The following SPAG16 variants were observed in gnomAD, a reference collection of about 807,000 sequenced individuals.
SPAG16 encodes sperm associated antigen 16, also known as sperm-associated antigen 16 protein.
A neutral mutation model predicts 80.4 loss-of-function variants in SPAG16; 86 were observed. The observed-to-expected ratio is 1.07, with a 90% CI of 0.90 to 1.28. The LOEUF is 1.28. Among genes scored for constraint, SPAG16 ranks in the 50% most tolerant of loss-of-function variants. The pLI is 0.00. For synonymous variants in SPAG16, 294 were observed against 265.9 expected, an observed-to-expected ratio of 1.11 and a Z score of -1.03; for missense variants, 870 against 765.3, an observed-to-expected ratio of 1.14 and a Z score of -1.61.
At chr2:213,629,486 C>T (rs1361077350) in intron 10 of SPAG16, among the ~76,000 whole-genome samples, 1 of 152,210 alleles carries the variant, frequency 6.6e-6, no homozygotes, top group Non-Finnish European at 1.5e-5. Context: ...GAATCCAACA[C>T]AAGGAGAGAA....
chr2:214,088,185 G>T (rs1196225454), intron 13 of SPAG16, among the ~76,000 whole-genome samples: 2 of 151,918 alleles, frequency 1.3e-5, no homozygotes, highest in Non-Finnish European at 2.9e-5. Context: ...CACTCACATT[G>T]TGCAAAGGAA....
intron 6 of SPAG16, among the ~76,000 whole-genome samples, chr2:213,346,764 C>T (rs989167187): frequency 1.3e-5 from 2 of 152,148 alleles, no homozygotes; most frequent in South Asian, 2.1e-4. Flanking sequence ...TTTTGATGTG[C>T]TGCTGGATTC....
At chr2:213,979,339 A>G (rs2045576352) in intron 12 of SPAG16, among the ~76,000 whole-genome samples, 1 of 152,114 alleles carries the variant, frequency 6.6e-6, no homozygotes, top group Non-Finnish European at 1.5e-5. Flanking sequence ...TATCCAAGAC[A>G]TTACCAAGAC....
rs144492637 is a variant in SPAG16 at position 214,384,218 on chromosome 2, C to T, written c.1721-25922C>T. Among the ~76,000 whole-genome samples, 245 of 152,316 alleles carry T rather than the reference C, an allele frequency of 1.6e-3. 1 individual carries two copies. Among genetic ancestry groups the T allele is most frequent in the African/African-American group, 5.5e-3 (230 of 41,564 alleles). On this transcript the variant is annotated intron_variant, in intron 15 of 15. Transcript: ENST00000331683. Reference sequence around the variant, plus strand: ...GAGTTGTCTGAAAGGACTTGCTATTCATGAAGGCATGACAATGCCTATCTG... The same window carrying T: ...GAGTTGTCTGAAAGGACTTGCTATTTATGAAGGCATGACAATGCCTATCTG...
At chr2:213,974,684 C>T (rs574519499) in intron 12 of SPAG16, among the ~76,000 whole-genome samples, 31 of 151,920 alleles carry the variant, frequency 2.0e-4, no homozygotes, top group Admixed American at 2.0e-3. Context: ...TTTCTAAGTG[C>T]TTTATCAGTG....
At chr2:213,459,532 C>T (rs1050818620) in intron 9 of SPAG16, among the ~76,000 whole-genome samples, 1 of 152,178 alleles carries the variant, frequency 6.6e-6, no homozygotes, top group African/African-American at 2.4e-5. Context: ...GAGGATCATT[C>T]TTATTCCTTG....
intron 5 of SPAG16, among the ~76,000 whole-genome samples, chr2:213,332,012 A>G (rs968674128): frequency 2.6e-5 from 4 of 152,156 alleles, no homozygotes; most frequent in African/African-American, 4.8e-5. Context: ...CTAACCCAAG[A>G]TTAGTATAAA....
At chr2:213,539,026 A>G (rs2076341492) in intron 10 of SPAG16, among the ~76,000 whole-genome samples, 1 of 152,220 alleles carries the variant, frequency 6.6e-6, no homozygotes, top group Non-Finnish European at 1.5e-5. Flanking sequence ...ACTTAAAACT[A>G]TGCACATAAT....
intron 10 of SPAG16, among the ~76,000 whole-genome samples, chr2:213,535,331 A>G (rs1243403870): frequency 6.6e-6 from 1 of 152,086 alleles, no homozygotes; most frequent in Non-Finnish European, 1.5e-5. Flanking sequence ...AAATAACTAC[A>G]TATCATATGT....
At chr2:213,638,648 G>A (rs1262242623) in intron 10 of SPAG16, among the ~76,000 whole-genome samples, 1 of 152,124 alleles carries the variant, frequency 6.6e-6, no homozygotes, top group Non-Finnish European at 1.5e-5. Context: ...ATTGAGACTT[G>A]TTTTGTGGCC....
chr2:213,521,349 C>T (rs1433611825), intron 10 of SPAG16, among the ~76,000 whole-genome samples: 1 of 152,154 alleles, frequency 6.6e-6, no homozygotes, highest in Non-Finnish European at 1.5e-5. Flanking sequence ...AGGTTCTCAC[C>T]TGTTTTCATT....
chr2:213,583,663 C>T (rs947274094), intron 10 of SPAG16, among the ~76,000 whole-genome samples: 1 of 152,170 alleles, frequency 6.6e-6, no homozygotes, highest in Middle Eastern at 3.4e-3. Context: ...GTTTCAGTAA[C>T]TAACTGTTTA....
intron 9 of SPAG16, among the ~76,000 whole-genome samples, chr2:213,410,569 A>G (rs1239205918): frequency 6.6e-6 from 1 of 152,166 alleles, no homozygotes. Flanking sequence ...ACAAAAACCA[A>G]CTGGTTTTTG....
intron 15 of SPAG16, among the ~76,000 whole-genome samples, chr2:214,302,899 C>T (rs1311021070): frequency 6.6e-6 from 1 of 152,102 alleles, no homozygotes; most frequent in East Asian, 1.9e-4. Flanking sequence ...TCTTTTATTA[C>T]TACTGTTGGT....
intron 15 of SPAG16, among the ~76,000 whole-genome samples, chr2:214,372,600 T>C (rs1393256515): frequency 6.6e-6 from 1 of 152,216 alleles, no homozygotes; most frequent in Non-Finnish European, 1.5e-5. Flanking sequence ...ATAAGGCCTT[T>C]CTCTGTGCTA....
At chr2:214,168,309 ATGC>A (rs1194922694) in intron 15 of SPAG16, among the ~76,000 whole-genome samples, 1 of 151,968 alleles carries the variant, frequency 6.6e-6, no homozygotes, top group Admixed American at 6.6e-5. Context: ...TAATTTTTCT[ATGC>A]TTAAGTTTTC....
chr2:213,358,472 T>C (rs2065795569), intron 7 of SPAG16, among the ~76,000 whole-genome samples: 1 of 152,234 alleles, frequency 6.6e-6, no homozygotes, highest in African/African-American at 2.4e-5. Flanking sequence ...ACTCTTTTTC[T>C]CTAATCTTGT....
At chr2:214,133,591 A>G (rs1025940766) in intron 14 of SPAG16, among the ~76,000 whole-genome samples, 1 of 152,092 alleles carries the variant, frequency 6.6e-6, no homozygotes, top group African/African-American at 2.4e-5. Context: ...TGGTAGGTGG[A>G]GGTTGCAGTG....
At chr2:213,692,746 C>T (rs2064996694) in intron 10 of SPAG16, among the ~76,000 whole-genome samples, 1 of 149,854 alleles carries the variant, frequency 6.7e-6, no homozygotes, top group African/African-American at 2.5e-5. Context: ...GGAGGCGGAG[C>T]TTGCAGTGAG....
Sources: gnomAD v4.1 joint callset for allele counts (sites outside exome capture counted in the v4.1 genomes callset) on GRCh38, gnomAD v4.1.1 for gene constraint, MANE v1.5 for transcripts, NCBI Gene and HGNC (gene_info 2026-07-23, HGNC 2026-07-21) for gene names.